ATRNL1: variants seen among roughly 807,000 people sequenced by gnomAD.
The protein encoded by ATRNL1 is attractin like 1.
Under a neutral mutation model 182.7 loss-of-function variants are expected in ATRNL1, and 95 were observed. The ratio of observed to expected loss-of-function variants is 0.52; its 90% CI spans 0.44 to 0.62. The LOEUF is 0.62. ATRNL1 is among the 20% of genes least tolerant of loss of function. The probability of loss-of-function intolerance (pLI) is 0.00; values close to 1 mark genes in which losing one functional copy is unlikely to be tolerated. For synonymous variants in ATRNL1, 576 were observed against 568.3 expected (o/e 1.01, Z -0.19); for missense variants, 1,471 against 1,679.5 (o/e 0.88, Z 2.17).
chr10:115,686,449 G>C (rs1166667446), intron 26 of ATRNL1, among the ~76,000 whole-genome samples: 2 of 151,824 alleles, frequency 1.3e-5, no homozygotes, highest in Non-Finnish European at 2.9e-5. Flanking sequence ...AAAATGAGAG[G>C]GTTTGGTAAG....
intron 1 of ATRNL1, among the ~76,000 whole-genome samples, chr10:115,112,902 T>A (rs1314993101): frequency 6.6e-6 from 1 of 152,186 alleles, no homozygotes; most frequent in African/African-American, 2.4e-5. Context: ...AACTTTCCAA[T>A]CTATGGGTGC....
intron 27 of ATRNL1, among the ~76,000 whole-genome samples, chr10:115,772,237 C>G (rs1949011006): frequency 2.0e-5 from 3 of 152,194 alleles, no homozygotes; most frequent in Admixed American, 2.0e-4. Flanking sequence ...TTACAATATT[C>G]ACAATGGCAT....
At chr10:115,800,454 G>A (rs1949765638) in intron 27 of ATRNL1, among the ~76,000 whole-genome samples, 2 of 152,042 alleles carry the variant, frequency 1.3e-5, no homozygotes, top group African/African-American at 2.4e-5. Context: ...AAGAGAAGGG[G>A]AGAAAGATAT....
At chr10:115,313,428 C>T (rs372891803) in intron 17 of ATRNL1, among the ~76,000 whole-genome samples, 1 of 152,224 alleles carries the variant, frequency 6.6e-6, no homozygotes, top group East Asian at 1.9e-4. Flanking sequence ...AGAGCCTTTT[C>T]ATGGTGGCTT....
At chr10:115,485,937 C>A (rs1034599902) in intron 24 of ATRNL1, among the ~76,000 whole-genome samples, 17 of 150,514 alleles carry the variant, frequency 1.1e-4, no homozygotes, top group African/African-American at 3.7e-4. Flanking sequence ...TCCCCGCCCC[C>A]ACTCCTGTCA....
intron 22 of ATRNL1, among the ~76,000 whole-genome samples, chr10:115,463,434 T>C (rs1554970237): frequency 6.6e-6 from 1 of 152,134 alleles, no homozygotes; most frequent in Non-Finnish European, 1.5e-5. Flanking sequence ...ATATTAACAA[T>C]CTCAGAAACT....
rs139334429 is a variant in ATRNL1, at chr10:115,180,223, A to G, written c.1348+8931A>G. On this transcript the variant is annotated intron_variant, in intron 8 of 28. Transcript: ENST00000355044. ...CAACTTCTCCATTATTCTGAAATCCAGAAATTCTTATTGTATATTTGTTTT... is the reference window on the plus strand; with the variant it reads ...CAACTTCTCCATTATTCTGAAATCCGGAAATTCTTATTGTATATTTGTTTT... Among the ~76,000 whole-genome samples, 40 of 152,178 alleles carry G rather than the reference A, an allele frequency of 2.6e-4. No individual in the cohort carries two copies. In the South Asian group the frequency reaches 4.6e-3, roughly 17 times the overall value.
chr10:115,320,096 A>G (rs1554930936), intron 18 of ATRNL1, among the ~76,000 whole-genome samples: 1 of 152,074 alleles, frequency 6.6e-6, no homozygotes, highest in Non-Finnish European at 1.5e-5. Context: ...TGGTGGTAAC[A>G]AAATCCCTTA....
At chr10:115,629,814 A>G (rs993874978) in intron 26 of ATRNL1, among the ~76,000 whole-genome samples, 28 of 152,158 alleles carry the variant, frequency 1.8e-4, no homozygotes, top group African/African-American at 6.8e-4. Context: ...TGTAAGGAAC[A>G]CAGTACTAGA....
At chr10:115,583,697 C>T (rs568967834) in intron 26 of ATRNL1, among the ~76,000 whole-genome samples, 24 of 149,430 alleles carry the variant, frequency 1.6e-4, no homozygotes, top group African/African-American at 5.3e-4. Flanking sequence ...CATCTGCAAA[C>T]GGGGACAATT....
intron 27 of ATRNL1, among the ~76,000 whole-genome samples, chr10:115,745,808 G>T (rs189438498): frequency 1.6e-3 from 249 of 152,164 alleles, no homozygotes; most frequent in Admixed American, 3.9e-3. Context: ...CCATTTATAG[G>T]TATGCATATC....
At chr10:115,130,602 T>G (rs1409449980) in intron 5 of ATRNL1, among the ~76,000 whole-genome samples, 1 of 152,128 alleles carries the variant, frequency 6.6e-6, no homozygotes, top group African/African-American at 2.4e-5. Context: ...CAATTGCAAT[T>G]ATGTCAGATG....
intron 26 of ATRNL1, among the ~76,000 whole-genome samples, chr10:115,641,970 A>T (rs1302162442): frequency 6.6e-6 from 1 of 152,066 alleles, no homozygotes; most frequent in Non-Finnish European, 1.5e-5. Context: ...TATGTGATTG[A>T]TTACTTAAAC....
chr10:115,821,809 A>T (rs190176269), intron 27 of ATRNL1, among the ~76,000 whole-genome samples: 3,228 of 152,302 alleles, frequency 0.021, 54 homozygotes, highest in Non-Finnish European at 0.034. Flanking sequence ...CTACAAAGAG[A>T]CTTAGACTCC....
chr10:115,360,873 C>A (rs782735141), intron 19 of ATRNL1, among the ~76,000 whole-genome samples: 4 of 151,762 alleles, frequency 2.6e-5, no homozygotes, highest in Admixed American at 2.0e-4. Flanking sequence ...GAATGTGCTA[C>A]AATTTGTGTT....
At chr10:115,279,259 G>A (rs1852248485) in intron 13 of ATRNL1, among the ~76,000 whole-genome samples, 1 of 151,564 alleles carries the variant, frequency 6.6e-6, no homozygotes, top group Admixed American at 6.6e-5. Flanking sequence ...GGCATACTAA[G>A]GAGACTATTA....
intron 19 of ATRNL1, among the ~76,000 whole-genome samples, chr10:115,386,349 C>T (rs530252042): frequency 6.6e-6 from 1 of 152,266 alleles, no homozygotes; most frequent in South Asian, 2.1e-4. Context: ...TTCACGGGGG[C>T]ACCAGCTGCG....
chr10:115,644,161 G>A (rs1405451938), intron 26 of ATRNL1, among the ~76,000 whole-genome samples: 1 of 152,176 alleles, frequency 6.6e-6, no homozygotes, highest in Non-Finnish European at 1.5e-5. Flanking sequence ...ATACAACAGC[G>A]TGGATGAATC....
intron 26 of ATRNL1, among the ~76,000 whole-genome samples, chr10:115,687,878 C>G (rs1555046820): frequency 2.0e-5 from 3 of 151,954 alleles, no homozygotes; most frequent in African/African-American, 7.2e-5. Flanking sequence ...TATAGTCACC[C>G]TAGCCTGCTA....
Sources: gnomAD v4.1 joint callset for allele counts (sites outside exome capture counted in the v4.1 genomes callset) on GRCh38, gnomAD v4.1.1 for gene constraint, MANE v1.5 for transcripts, NCBI Gene and HGNC (gene_info 2026-07-23, HGNC 2026-07-21) for gene names.